Variants in CSGALNACT1 observed in about 807,000 individuals in gnomAD.
CSGALNACT1 encodes the protein beta4GalNAcT-1.
Under a neutral mutation model 51.0 loss-of-function variants are expected in CSGALNACT1, and 52 were observed. That is an observed-to-expected ratio of 1.02 (90% CI 0.82 to 1.29). The LOEUF (loss-of-function observed/expected upper bound fraction) is 1.29, where lower values mean the gene tolerates loss of function less well. Among genes scored for constraint, CSGALNACT1 ranks in the 50% most tolerant of loss-of-function variants. The pLI is 0.00. For missense variants in CSGALNACT1, 935 were observed against 679.2 expected, an observed-to-expected ratio of 1.38 and a Z score of -4.19; for synonymous variants, 341 against 254.4, an observed-to-expected ratio of 1.34 and a Z score of -3.24.
At chr8:19,447,295 C>G (rs2062302009) in intron 5 of CSGALNACT1, among the ~76,000 whole-genome samples, 2 of 152,146 alleles carry the variant, frequency 1.3e-5, no homozygotes, top group Non-Finnish European at 1.5e-5. Context: ...CACTACAAAG[C>G]TGGGGGACTG....
intron 5 of CSGALNACT1, among the ~76,000 whole-genome samples, chr8:19,440,580 A>C (rs1331049489): frequency 6.6e-6 from 1 of 152,188 alleles, no homozygotes; most frequent in African/African-American, 2.4e-5. Flanking sequence ...AAATAATAAG[A>C]GCTATCTATG....
At chr8:19,594,788 G>A (rs2154137032) in intron 2 of CSGALNACT1, among the ~76,000 whole-genome samples, 1 of 151,960 alleles carries the variant, frequency 6.6e-6, no homozygotes, top group Non-Finnish European at 1.5e-5. Context: ...CTGACCTCAG[G>A]TGATCCACCC....
intron 8 of CSGALNACT1, among the ~76,000 whole-genome samples, chr8:19,411,794 G>C (rs576313372): frequency 3.0e-4 from 45 of 151,034 alleles, no homozygotes; most frequent in African/African-American, 1.0e-3. Flanking sequence ...TATTCCTCCT[G>C]TTCTGGATTT....
intron 4 of CSGALNACT1, among the ~76,000 whole-genome samples, chr8:19,480,391 T>C (rs1350343567): frequency 6.6e-6 from 1 of 152,204 alleles, no homozygotes; most frequent in East Asian, 1.9e-4. Context: ...TGCATTAGTT[T>C]GCTTAGAGCT....
chr8:19,690,622 T>C (rs1396438215), intron 1 of CSGALNACT1, among the ~76,000 whole-genome samples: 1 of 152,224 alleles, frequency 6.6e-6, no homozygotes, highest in Non-Finnish European at 1.5e-5. Flanking sequence ...CAAATTTGCT[T>C]GATCATAATA....
chr8:19,684,919 A>C (rs1225755459), upstream of CSGALNACT1, among the ~76,000 whole-genome samples: 1 of 152,164 alleles, frequency 6.6e-6, no homozygotes, highest in Non-Finnish European at 1.5e-5. Context: ...AAATGTGTGA[A>C]TTTCAGGCTC....
intron 3 of CSGALNACT1, among the ~76,000 whole-genome samples, chr8:19,538,913 C>A (rs943203116): frequency 6.6e-6 from 1 of 152,116 alleles, no homozygotes; most frequent in South Asian, 2.1e-4. Context: ...CTGCCTGGAC[C>A]GCTCATCCTG....
At chr8:19,423,215 T>A (rs912888474) in intron 6 of CSGALNACT1, among the ~76,000 whole-genome samples, 2 of 152,176 alleles carry the variant, frequency 1.3e-5, no homozygotes, top group African/African-American at 4.8e-5. Flanking sequence ...AGCTGCGACA[T>A]CAAGAATCTC....
chr8:19,732,758 T>C (rs572921151), intron 1 of CSGALNACT1, among the ~76,000 whole-genome samples: 35 of 152,374 alleles, frequency 2.3e-4, no homozygotes, highest in African/African-American at 8.4e-4. Flanking sequence ...TCCATTCCCT[T>C]GCCATATGAA....
At chr8:19,603,902 TC>T (rs1391899705), upstream of CSGALNACT1, among the ~76,000 whole-genome samples, 3 of 152,206 alleles carry the variant, frequency 2.0e-5, no homozygotes, top group African/African-American at 7.2e-5. Flanking sequence ...ACTTTCTTAC[TC>T]CAGCAACTTG....
At chr8:19,681,776 C>A (rs1564417313) in intron 1 of CSGALNACT1, among the ~76,000 whole-genome samples, 1 of 152,164 alleles carries the variant, frequency 6.6e-6, no homozygotes, top group African/African-American at 2.4e-5. Flanking sequence ...GAGTCTGGGC[C>A]CGTGCCCTGA....
upstream of CSGALNACT1, among the ~76,000 whole-genome samples, chr8:19,684,098 G>A (rs754216725): frequency 7.2e-5 from 11 of 152,082 alleles, no homozygotes; most frequent in Admixed American, 2.0e-4. Flanking sequence ...CCTGGGAGGC[G>A]GAGATTGCAG....
chr8:19,460,959 G>C (rs1271159959), intron 4 of CSGALNACT1, among the ~76,000 whole-genome samples: 2 of 152,118 alleles, frequency 1.3e-5, no homozygotes, highest in Admixed American at 1.3e-4. Context: ...TCTCCCTGCT[G>C]TCCTCACAGC....
At chr8:19,490,486 T>C (rs2074123884) in intron 4 of CSGALNACT1, among the ~76,000 whole-genome samples, 1 of 152,208 alleles carries the variant, frequency 6.6e-6, no homozygotes, top group African/African-American at 2.4e-5. Flanking sequence ...CATCATAAGA[T>C]GCCACCAGGA....
chr8:19,427,746 C>T (rs2059001472), intron 6 of CSGALNACT1, among the ~76,000 whole-genome samples: 1 of 152,028 alleles, frequency 6.6e-6, no homozygotes, highest in African/African-American at 2.4e-5. Context: ...CGAGATCGCG[C>T]CACTGCACTC....
At chr8:19,652,700 C>T (rs115021811) in intron 1 of CSGALNACT1, among the ~76,000 whole-genome samples, 1,954 of 152,320 alleles carry the variant, frequency 0.013, 46 homozygotes, top group African/African-American at 0.045. Context: ...CTTTCCCCAC[C>T]TCCTGCTGTT....
chr8:19,603,047 T>TACACACACACAC (rs5889877), upstream of CSGALNACT1, among the ~76,000 whole-genome samples: 13 of 123,120 alleles, frequency 1.1e-4, no homozygotes, highest in African/African-American at 4.0e-4. Context: ...ACTGTGTGTA[T>TACACACACACAC]ACACACACAC....
chr8:19,528,785 T>A (rs1563913682), intron 3 of CSGALNACT1, among the ~76,000 whole-genome samples: 1 of 152,052 alleles, frequency 6.6e-6, no homozygotes, highest in Non-Finnish European at 1.5e-5. Context: ...AACTACAGAG[T>A]GTGCCTAACA....
chr8:19,436,633 G>A (rs2060419713), intron 6 of CSGALNACT1, among the ~76,000 whole-genome samples: 1 of 152,200 alleles, frequency 6.6e-6, no homozygotes, highest in Non-Finnish European at 1.5e-5. Flanking sequence ...GAGGCTGGGT[G>A]TAGAGGATCA....
Sources: allele counts gnomAD v4.1 joint callset (sites outside exome capture counted in the v4.1 genomes callset), GRCh38; gene constraint gnomAD v4.1.1; transcripts MANE v1.5; gene names NCBI Gene and HGNC (gene_info 2026-07-23, HGNC 2026-07-21).